Variants in SIX2 observed in about 807,000 individuals in gnomAD.
SIX2 encodes homeobox protein SIX2.
A neutral mutation model predicts 22.8 loss-of-function variants in SIX2; 20 were observed. The ratio of observed to expected loss-of-function variants is 0.88; its 90% CI spans 0.62 to 1.28. The LOEUF (loss-of-function observed/expected upper bound fraction) is 1.28. Ranked by LOEUF, SIX2 falls within the 50% of genes most tolerant of loss-of-function variation. SIX2 has a pLI of 0.00. For missense variants in SIX2, 360 were observed against 400.0 expected (o/e 0.90, Z 0.85); for synonymous variants, 195 against 186.4 (o/e 1.05, Z -0.37).
rs149640128 is a variant in SIX2, at chr2:45,006,110, C to T, written c.*60G>A. 25,414 of 1,584,212 alleles carry T rather than the reference C, an allele frequency of 0.016. 261 individuals carry two copies. The highest frequency in any genetic ancestry group is 0.018 in the Non-Finnish European group (20,576 of 1,152,648). ...GCAGGGGCGGGGCGCCCCTGGACAC[C>T]GCCACTCCACGTCCCCAGTGTCAAG... On this transcript the variant is annotated 3_prime_UTR_variant, in exon 2 of 2. Transcript: ENST00000303077. The surrounding 1 kb of genome is among the most constrained non-coding windows in gnomAD (Gnocchi z 4.2).
In SIX2 at chr2:45,008,940, G is replaced by C; in HGVS notation, c.171C>G (p.Ala57=). 2 of 1,613,866 alleles carry C rather than the reference G, an allele frequency of 1.2e-6. No individual in the cohort carries two copies. Among genetic ancestry groups the C allele is most frequent in the Middle Eastern group, 1.7e-4 (1 of 6,058 alleles). ...GCTCGCGGAAGTTGCCGCGGTGGAA[G>C]GCCACCACGGCCTTGGCCTTGAGCA... ...ESVLKAKAVV[A]FHRGNFRELY... The change falls in exon 1 of 2, where the codon GCC becomes GCG. Residue 57 remains alanine, a synonymous_variant. Coordinates refer to ENST00000303077, the MANE Select transcript of SIX2 (RefSeq NM_016932.5).
At chr2:45,008,265 T>A (rs1270606436) in intron 1 of SIX2, among the ~76,000 whole-genome samples, 1 of 152,280 alleles carries the variant, frequency 6.6e-6, no homozygotes, top group Non-Finnish European at 1.5e-5. Flanking sequence ...GGCCCACAGT[T>A]CTGCGCTGCC....
At position 45,008,926 on chromosome 2, in the gene SIX2, T is replaced by C. The variant is rs1667820286; in HGVS notation, c.185A>G (p.Asn62Ser). 6.2e-7 allele frequency: 1 copy of C among 1,613,920 alleles called. No individual in the cohort carries two copies. The highest frequency in any genetic ancestry group is 8.5e-7 in the Non-Finnish European group (1 of 1,179,952). ...CAGGATCTTGTAGAGCTCGCGGAAG[T>C]TGCCGCGGTGGAAGGCCACCACGGC... is the stretch of plus-strand genomic sequence containing the variant. ...AKAVVAFHRG[N>S]FRELYKILES... Residue 62 changes from asparagine (N) to serine (S), a missense_variant, in exon 1 of 2, where the codon AAC becomes AGC. Transcript: ENST00000303077.
rs1402112262 is a variant in SIX2, at chr2:45,006,533, C to G, written c.561-48G>C. On this transcript the variant is annotated intron_variant, in intron 1 of 1. Transcript: ENST00000303077. This position sits in a 1 kb window ranked among gnomAD's most constrained non-coding sequence, Gnocchi z 4.2. Reference sequence around the variant, plus strand: ...GCGGGGTCAGCAGGGACATCGAGACCACCCAGCGCCATCTCAGTCACAGTC... The same window carrying G: ...GCGGGGTCAGCAGGGACATCGAGACGACCCAGCGCCATCTCAGTCACAGTC... 6.4e-7 allele frequency: 1 copy of G among 1,553,066 alleles called. No individual in the cohort carries two copies. The highest frequency in any genetic ancestry group is 1.7e-5 in the Admixed American group (1 of 59,964).
At position 45,008,754 on chromosome 2, in the gene SIX2, G is replaced by A; in HGVS notation, c.357C>T (p.Arg119=). 1 of 1,613,996 alleles carries A rather than the reference G, an allele frequency of 6.2e-7. No homozygotes were observed. Among genetic ancestry groups the A allele is most frequent in the Non-Finnish European group, 8.5e-7 (1 of 1,179,972 alleles). ...TGGTCTCCTCGCCGTCCCAGATGGAGCGCGGCAGCGGGAATTTGCGGCGCA... is the reference window on the plus strand; with the variant it reads ...TGGTCTCCTCGCCGTCCCAGATGGAACGCGGCAGCGGGAATTTGCGGCGCA... ...YRVRRKFPLP[R]SIWDGEETSY... is the part of the protein sequence containing the mutation. Residue 119 remains arginine (R), a synonymous_variant, in exon 1 of 2, where the codon CGC becomes CGT. Transcript: ENST00000303077.
Position 45,006,066 on chromosome 2 carries a change from T to G in SIX2, c.*104A>C. ...TTCTACCCGCTCAGCCTGCGGGTCT[T>G]TCAGTACCTGGTGGGGCCGCAGGGG... On this transcript the variant is annotated 3_prime_UTR_variant, in exon 2 of 2. Transcript: ENST00000303077. The surrounding 1 kb of genome is among the most constrained non-coding windows in gnomAD (Gnocchi z 4.2). 1 of 1,258,832 alleles carries G rather than the reference T, an allele frequency of 7.9e-7. No homozygotes were observed. Among genetic ancestry groups the G allele is most frequent in the Non-Finnish European group, 1.2e-6 (1 of 856,006 alleles). 78.0% of individuals were successfully genotyped at this position (1,258,832 alleles called of 1,614,324 possible).
Position 45,008,949 on chromosome 2 carries a change from G to C in SIX2, c.162C>G (p.Ala54=). The C allele has an allele frequency of 6.2e-7, 1 of 1,613,796 alleles. No individual in the cohort carries two copies. Among genetic ancestry groups the C allele is most frequent in the Admixed American group, 1.7e-5 (1 of 60,034 alleles). The change falls in exon 1 of 2, where the codon GCC becomes GCG. Residue 54 remains alanine (A), a synonymous_variant. Coordinates refer to ENST00000303077, the MANE Select transcript of SIX2 (RefSeq NM_016932.5). ...HKNESVLKAK[A]VVAFHRGNFR... Reference sequence around the variant, plus strand: ...AGTTGCCGCGGTGGAAGGCCACCACGGCCTTGGCCTTGAGCACGCTTTCAT... The same window carrying C: ...AGTTGCCGCGGTGGAAGGCCACCACCGCCTTGGCCTTGAGCACGCTTTCAT...
Position 45,009,253 on chromosome 2 carries a change from G to T in SIX2, c.-143C>A. On this transcript the variant is annotated 5_prime_UTR_variant, in exon 1 of 2. Coordinates refer to ENST00000303077, the MANE Select transcript of SIX2 (RefSeq NM_016932.5). ...CCGGCACTGGCCCCCGGTGAGCCCC[G>T]AGTCACTGCCGTACGTCCCCGCGCC... The T allele has an allele frequency of 5.4e-6, 3 of 554,392 alleles. No individual in the cohort carries two copies. The highest frequency in any genetic ancestry group is 7.6e-6 in the Non-Finnish European group (3 of 392,870). The allele number at this position is 554,392 out of a possible 1,614,324, so 34.3% of individuals were successfully genotyped here.
In SIX2 at chr2:45,005,684, G is replaced by T. The variant is rs1667737961; in HGVS notation, c.*486C>A. 3.6e-6 allele frequency: 1 copy of T among 274,852 alleles called. No homozygotes were observed. The allele number at this position is 274,852 out of a possible 1,614,324, so 17.0% of individuals were successfully genotyped here. A position where few individuals can be genotyped will look rare whatever the true frequency, so the allele number is the denominator to read the frequency against. ...CCAGGACACAGAGTACAAGAGACTG[G>T]CAGGAGAGAAGAGAGGAGAAACAGA... On this transcript the variant is annotated 3_prime_UTR_variant, in exon 2 of 2. Coordinates refer to ENST00000303077, the MANE Select transcript of SIX2 (RefSeq NM_016932.5).
At position 45,008,781 on chromosome 2, in the gene SIX2, G is replaced by C. The variant is rs1415802630; in HGVS notation, c.330C>G (p.Arg110=). 1.2e-6 allele frequency: 2 copies of C among 1,613,754 alleles called. No individual in the cohort carries two copies. Reference sequence around the variant, plus strand: ...GCGGCAGCGGGAATTTGCGGCGCACGCGGTATTTGCCCACGGCGCCCAGGG... The same window carrying C: ...GCGGCAGCGGGAATTTGCGGCGCACCCGGTATTTGCCCACGGCGCCCAGGG... ...GRPLGAVGKY[R]VRRKFPLPRS... The change falls in exon 1 of 2, where the codon CGC becomes CGG. Residue 110 remains arginine (R), a synonymous_variant. Coordinates refer to ENST00000303077, the MANE Select transcript of SIX2 (RefSeq NM_016932.5).
Position 45,006,201 on chromosome 2 carries a change from A to G in SIX2, c.845T>C (p.Met282Thr). 3 of 1,614,202 alleles carry G rather than the reference A, an allele frequency of 1.9e-6. No individual in the cohort carries two copies. The highest frequency in any genetic ancestry group is 1.1e-5 in the South Asian group (1 of 91,088). Residue 282 changes from methionine (M) to threonine (T), a missense_variant, in exon 2 of 2, where the codon ATG (methionine) becomes ACG (threonine). This residue lies in a region of SIX2 where 235 missense variants were observed against 231.9 expected (regional missense o/e 1.01). Coordinates refer to ENST00000303077, the MANE Select transcript of SIX2 (RefSeq NM_016932.5). This position sits in a 1 kb window ranked among gnomAD's most constrained non-coding sequence, Gnocchi z 4.2. The stretch of plus-strand genomic sequence containing the variant: ...GCCCAGGTCCACGAGGTTGGCTGAC[A>G]TGGGGTTGAGGATGGAGTCCTGCAG... ...HGLQDSILNP[M>T]SANLVDLGS
intron 1 of SIX2, among the ~76,000 whole-genome samples, 173 bp downstream of exon 1, chr2:45,008,378 G>C (rs751239725): frequency 6.6e-6 from 1 of 152,266 alleles, no homozygotes; most frequent in Non-Finnish European, 1.5e-5. Context: ...CTGCTCGCCG[G>C]GTCTCCGGCA....
rs1667757702 is a variant in SIX2, at chr2:45,006,299, A to G, written c.747T>C (p.Pro249=). 6.2e-7 allele frequency: 1 copy of G among 1,613,906 alleles called. No homozygotes were observed. The highest frequency in any genetic ancestry group is 8.5e-7 in the Non-Finnish European group (1 of 1,179,896). The change falls in exon 2 of 2, where the codon CCT becomes CCC. Residue 249 remains proline, a synonymous_variant. Coordinates refer to ENST00000303077, the MANE Select transcript of SIX2 (RefSeq NM_016932.5). This position sits in a 1 kb window ranked among gnomAD's most constrained non-coding sequence, Gnocchi z 4.2. ...GCACTGGCACTGCGCTGGGGCCCGG[A>G]GGGTGGCCCAGGCTGTGCAGGGACG... The part of the protein sequence containing the change: ...GLPSLHSLGH[P]PGPSAVPVPV...
At position 45,008,572 on chromosome 2, in the gene SIX2, C is replaced by G; in HGVS notation, c.539G>C (p.Arg180Pro). Reference sequence around the variant, plus strand: ...GTACCTTTCCTTGGCCTCGGCCGCCCGGTCGCGCTGCCGCCGGTTCTTGAA... The same window carrying G: ...GTACCTTTCCTTGGCCTCGGCCGCCGGGTCGCGCTGCCGCCGGTTCTTGAA... ...NWFKNRRQRD[R>P]AAEAKERENN... The change falls in exon 1 of 2, where the codon CGG becomes CCG. Residue 180 changes from arginine (R) to proline (P), a missense_variant. Physicochemically the swap from Arg to Pro is moderately radical, Grantham distance 103. Coordinates refer to ENST00000303077, the MANE Select transcript of SIX2 (RefSeq NM_016932.5). 1 of 1,613,854 alleles carries G rather than the reference C, an allele frequency of 6.2e-7. No individual in the cohort carries two copies.
chr2:45,007,222 C>T (rs1667783899), intron 1 of SIX2, among the ~76,000 whole-genome samples: 1 of 152,168 alleles, frequency 6.6e-6, no homozygotes, highest in Non-Finnish European at 1.5e-5. Flanking sequence ...GAGGCTTTTC[C>T]ATTGTAACCA....
chr2:45,009,218 G>T lies in SIX2; in HGVS notation c.-108C>A. On this transcript the variant is annotated 5_prime_UTR_variant, in exon 1 of 2. Transcript: ENST00000303077. ...CCGGGCCGAGACGCGGGCGGGGCTG[G>T]CCCCCTGGCCCGGCACTGGCCCCCG... The T allele has an allele frequency of 5.5e-6, 5 of 916,124 alleles. No individual in the cohort carries two copies. Among genetic ancestry groups the T allele is most frequent in the Non-Finnish European group, 7.0e-6 (5 of 710,918 alleles). The allele number at this position is 916,124 out of a possible 1,614,324, so 56.7% of individuals were successfully genotyped here.
Position 45,008,843 on chromosome 2 carries a change from C to T in SIX2, c.268G>A (p.Ala90Thr). The part of the protein sequence containing the change: ...HAKLQQLWLK[A>T]HYIEAEKLRG... ...AGCTTCTCCGCCTCGATGTAGTGTG[C>T]CTTGAGCCACAGCTGCTGCAGCTTG... The change falls in exon 1 of 2, where the codon GCA (alanine) becomes ACA (threonine). Residue 90 changes from alanine to threonine, a missense_variant. This residue lies in a region of SIX2 where 118 missense variants were observed against 135.1 expected (regional missense o/e 0.87). Transcript: ENST00000303077. 6.2e-7 allele frequency: 1 copy of T among 1,613,938 alleles called. No homozygotes were observed. Among genetic ancestry groups the T allele is most frequent in the Non-Finnish European group, 8.5e-7 (1 of 1,179,976 alleles).
In SIX2 at chr2:45,006,428, C is replaced by T; in HGVS notation, c.618G>A (p.Lys206=). 3.7e-6 allele frequency: 6 copies of T among 1,614,174 alleles called. No individual in the cohort carries two copies. The highest frequency in any genetic ancestry group is 5.1e-6 in the Non-Finnish European group (6 of 1,180,036). Residue 206 remains lysine (K), a synonymous_variant, in exon 2 of 2, where the codon AAG becomes AAA. Transcript: ENST00000303077. This position sits in a 1 kb window ranked among gnomAD's most constrained non-coding sequence, Gnocchi z 4.2. ...NSHNPLNGSG[K]SVLGSSEDEK... ...CATCCTCCGAGCTGCCTAACACCGACTTGCCGCTGCCATTCAGCGGGTTGT... is the reference window on the plus strand; with the variant it reads ...CATCCTCCGAGCTGCCTAACACCGATTTGCCGCTGCCATTCAGCGGGTTGT...
chr2:45,006,540 C>T lies in SIX2; in HGVS notation c.561-55G>A, dbSNP rs926969105. 116 of 1,537,856 alleles carry T rather than the reference C, an allele frequency of 7.5e-5. No homozygotes were observed. The highest frequency in any genetic ancestry group is 2.6e-4 in the African/African-American group (19 of 73,544). On this transcript the variant is annotated intron_variant, in intron 1 of 1. Transcript: ENST00000303077. This position sits in a 1 kb window ranked among gnomAD's most constrained non-coding sequence, Gnocchi z 4.2. The stretch of plus-strand genomic sequence containing the variant: ...CAGCAGGGACATCGAGACCACCCAG[C>T]GCCATCTCAGTCACAGTCAGAGCCA...
Sources: allele counts gnomAD v4.1 joint callset (sites outside exome capture counted in the v4.1 genomes callset), GRCh38; gene constraint gnomAD v4.1.1; regional missense constraint gnomAD v4.1.1; non-coding constraint Gnocchi (gnomAD v3.1); transcripts MANE v1.5; gene names NCBI Gene and HGNC (gene_info 2026-07-23, HGNC 2026-07-21).